Variants in TP73 observed in about 807,000 individuals in gnomAD.
TP73 encodes the protein p53-like transcription factor.
Under a neutral mutation model 62.5 loss-of-function variants are expected in TP73, and 25 were observed. That is an observed-to-expected ratio of 0.40 (90% CI 0.29 to 0.56). TP73 has a LOEUF of 0.56. Ranked by LOEUF, TP73 falls within the 20% of genes least tolerant of loss-of-function variation. TP73 has a pLI of 0.46. For synonymous variants in TP73, 423 were observed against 377.5 expected, an observed-to-expected ratio of 1.12 and a Z score of -1.40; for missense variants, 754 against 913.3, an observed-to-expected ratio of 0.83 and a Z score of 2.25.
At position 3,733,246 on chromosome 1, in the gene TP73, CCAGCCACCGAAGCCGCCTGTGGA is replaced by C; in HGVS notation, c.*173_*195del. 1.2e-6 allele frequency: 1 copy of C among 833,032 alleles called. No individual in the cohort carries two copies. The highest frequency in any genetic ancestry group is 1.8e-5 in the South Asian group (1 of 54,776). 51.6% of individuals were successfully genotyped at this position (833,032 alleles called of 1,614,324 possible). On this transcript the variant is annotated 3_prime_UTR_variant, in exon 14 of 14. Transcript: ENST00000378295. ...GCACCTCACAGGCCCCAGGAAAGGC[CCAGCCACCGAAGCCGCCTGTGGA>C]CAGCCTGAGTCACCTGCAGAACCTT...
chr1:3,712,387 G>T (rs1640226322), intron 4 of TP73: 1 of 152,242 alleles, frequency 6.6e-6, no homozygotes, highest in Non-Finnish European at 1.5e-5. Context: ...AGCCGGGGTT[G>T]GCTCTTCTCT....
At chr1:3,726,160 TTGGA>T (rs1384762393) in intron 6 of TP73, among the ~76,000 whole-genome samples, 1 of 82,308 alleles carries the variant, frequency 1.2e-5, no homozygotes, top group Non-Finnish European at 2.4e-5. Flanking sequence ...GGATGGATGG[TTGGA>T]TGGATGGATA....
intron 3 of TP73, among the ~76,000 whole-genome samples, chr1:3,707,307 G>A (rs890280991): frequency 2.6e-5 from 4 of 152,198 alleles, no homozygotes; most frequent in African/African-American, 7.2e-5. Context: ...CCTCATCAAC[G>A]GCTGGGTGGA....
intron 3 of TP73, among the ~76,000 whole-genome samples, chr1:3,694,857 G>C (rs12738417): frequency 0.055 from 1,019 of 18,694 alleles, 23 homozygotes; most frequent in Non-Finnish European, 0.13. Flanking sequence ...TGCAATCCCA[G>C]CCATGCAGCC....
In TP73 at chr1:3,666,843, G is replaced by T. The variant is rs954005408; in HGVS notation, c.-34+14202G>T. Among the ~76,000 whole-genome samples the T allele has an allele frequency of 2.0e-5, 3 of 152,198 alleles. No individual in the cohort carries two copies. Among genetic ancestry groups the T allele is most frequent in the Admixed American group, 1.3e-4 (2 of 15,270 alleles). On this transcript the variant is annotated intron_variant, in intron 1 of 13. Coordinates refer to ENST00000378295, the MANE Select transcript of TP73 (RefSeq NM_005427.4). This position sits in a 1 kb window ranked among gnomAD's most constrained non-coding sequence, Gnocchi z 6.4. ...ACCCCCAAACAGAGGGCTCAGAAAAGATGTTTTTCAATGAGGGACATTTAT... is the reference window on the plus strand; with the variant it reads ...ACCCCCAAACAGAGGGCTCAGAAAATATGTTTTTCAATGAGGGACATTTAT...
chr1:3,659,190 A>AG (rs1644935616), intron 1 of TP73: 1 of 145,190 alleles, frequency 6.9e-6, no homozygotes, highest in South Asian at 2.2e-4. Flanking sequence ...AAAAAAAAAA[A>AG]GCTAATCATT....
Position 3,683,171 on chromosome 1 carries a change from A to G in TP73, c.177A>G (p.Thr59=). Residue 59 remains threonine (T), a synonymous_variant, in exon 3 of 14, where the codon ACA becomes ACG. Transcript: ENST00000378295. The stretch of plus-strand genomic sequence containing the variant: ...TCTTCCACCTGGAGGGCATGACTAC[A>G]TCTGTCATGGTGAGTGGGGGGGCTG... The part of the protein sequence containing the change: ...MDVFHLEGMT[T]SVMAQFNLLS... 6.2e-7 allele frequency: 1 copy of G among 1,607,276 alleles called. No homozygotes were observed. Among genetic ancestry groups the G allele is most frequent in the Non-Finnish European group, 8.5e-7 (1 of 1,176,718 alleles).
intron 6 of TP73, among the ~76,000 whole-genome samples, chr1:3,725,010 C>T (rs976904856): frequency 1.2e-4 from 18 of 150,958 alleles, no homozygotes; most frequent in Non-Finnish European, 2.7e-4. Context: ...CAGAGAGAGA[C>T]TCCGTCTCAA....
intron 6 of TP73, among the ~76,000 whole-genome samples, chr1:3,725,784 A>T: frequency 1.7e-5 from 1 of 58,580 alleles, no homozygotes; most frequent in Non-Finnish European, 3.2e-5. Context: ...GGATGGATGG[A>T]TGGATAGGAT....
At position 3,716,150 on chromosome 1, in the gene TP73, G is replaced by A. The variant is rs142849633; in HGVS notation, c.430-5871G>A. On this transcript the variant is annotated intron_variant, in intron 4 of 13. Coordinates refer to ENST00000378295, the MANE Select transcript of TP73 (RefSeq NM_005427.4). The stretch of plus-strand genomic sequence containing the variant: ...GCCTCTGGGGCTCTAGCAGGCCTCC[G>A]TCAGGGCTGAGGATCGCTTGGCATC... 1.9e-3 allele frequency among the ~76,000 whole-genome samples: 291 copies of A among 152,298 alleles called. 2 individuals are homozygous for A. The highest frequency in any genetic ancestry group is 6.5e-3 in the African/African-American group (272 of 41,566).
intron 13 of TP73, 53 bp from the exon 14 acceptor site, chr1:3,732,694 C>G (rs149206128): frequency 6.0e-6 from 9 of 1,493,570 alleles, no homozygotes; most frequent in South Asian, 1.3e-5. Flanking sequence ...GGCGACCCCC[C>G]CTGCTCTCCC....
At chr1:3,713,269 C>T (rs576019443) in intron 4 of TP73, among the ~76,000 whole-genome samples, 2 of 152,312 alleles carry the variant, frequency 1.3e-5, no homozygotes, top group East Asian at 1.9e-4. Flanking sequence ...GCCTCATGGG[C>T]GAGAAGCCAG....
rs974754822 is a variant in TP73, at chr1:3,663,542, C to A, written c.-34+10901C>A. Among the ~76,000 whole-genome samples the A allele has an allele frequency of 2.0e-5, 3 of 152,044 alleles. No individual in the cohort carries two copies. Among genetic ancestry groups the A allele is most frequent in the African/African-American group, 7.2e-5 (3 of 41,416 alleles). The stretch of plus-strand genomic sequence containing the variant: ...TATACTGGCTCACACGGTGAAACCC[C>A]ATCTCTACTAAAAAATACAAAAAAT... On this transcript the variant is annotated intron_variant, in intron 1 of 13. Coordinates refer to ENST00000378295, the MANE Select transcript of TP73 (RefSeq NM_005427.4). The surrounding 1 kb of genome is among the most constrained non-coding windows in gnomAD (Gnocchi z 4.7).
rs199602778 is a variant in TP73 at position 3,683,187 on chromosome 1, G to C, written c.186+7G>C. 19 of 1,377,838 alleles carry C rather than the reference G, an allele frequency of 1.4e-5. No homozygotes were observed. Among genetic ancestry groups the C allele is most frequent in the Non-Finnish European group, 1.5e-5 (16 of 1,055,764 alleles). 85.4% of individuals were successfully genotyped at this position (1,377,838 alleles called of 1,614,324 possible). ...CATGACTACATCTGTCATGGTGAGT[G>C]GGGGGGCTGCCCTCTGCAAGAGGAC... On this transcript the variant is annotated splice_region_variant and intron_variant, in intron 3 of 13. Coordinates refer to ENST00000378295, the MANE Select transcript of TP73 (RefSeq NM_005427.4).
rs770506799 is a variant in TP73 at position 3,731,552 on chromosome 1, T to G, written c.1574T>G (p.Ile525Ser). Residue 525 changes from isoleucine to serine, a missense_variant, in exon 13 of 14, where the codon ATT becomes AGT. This residue lies in a region of TP73 where 458 missense variants were observed against 528.7 expected (regional missense o/e 0.87). Transcript: ENST00000378295. Reference protein sequence around the residue: ...QSIYHLQNLTIEDLGALKIPE... With the variant: ...QSIYHLQNLTSEDLGALKIPE... ...ATTTACCACCTGCAGAACCTGACCATTGAGGTAACGCCCGGGTGGACCCCG... is the reference window on the plus strand; with the variant it reads ...ATTTACCACCTGCAGAACCTGACCAGTGAGGTAACGCCCGGGTGGACCCCG... 6.2e-7 allele frequency: 1 copy of G among 1,613,644 alleles called. No homozygotes were observed. The highest frequency in any genetic ancestry group is 8.5e-7 in the Non-Finnish European group (1 of 1,179,964).
At position 3,666,594 on chromosome 1, in the gene TP73, G is replaced by A. The variant is rs1645119187; in HGVS notation, c.-34+13953G>A. Among the ~76,000 whole-genome samples the A allele has an allele frequency of 6.6e-6, 1 of 152,046 alleles. No homozygotes were observed. The highest frequency in any genetic ancestry group is 1.5e-5 in the Non-Finnish European group (1 of 68,026). ...GGGGCTTTTAATGGTCCCTCTGCTG[G>A]CTCCCTCCCCACCACCTCCTGCCCA... On this transcript the variant is annotated intron_variant, in intron 1 of 13. Coordinates refer to ENST00000378295, the MANE Select transcript of TP73 (RefSeq NM_005427.4). This position sits in a 1 kb window ranked among gnomAD's most constrained non-coding sequence, Gnocchi z 6.4.
chr1:3,695,571 C>G (rs899756609), intron 3 of TP73, among the ~76,000 whole-genome samples: 3 of 152,252 alleles, frequency 2.0e-5, no homozygotes, highest in Non-Finnish European at 4.4e-5. Context: ...TGGACACCCC[C>G]ACTCCCGTGC....
At chr1:3,719,181 C>T (rs940405338) in intron 4 of TP73, among the ~76,000 whole-genome samples, 4 of 152,128 alleles carry the variant, frequency 2.6e-5, no homozygotes, top group Admixed American at 6.5e-5. Context: ...CCCTAGGGAG[C>T]GGCTAGGATG....
intron 4 of TP73, among the ~76,000 whole-genome samples, chr1:3,716,132 G>C (rs1032537463): frequency 1.3e-5 from 2 of 152,300 alleles, no homozygotes; most frequent in East Asian, 1.9e-4. Flanking sequence ...ACAGCCTCTG[G>C]GGCTCTAGCA....
Sources: allele counts gnomAD v4.1 joint callset (sites outside exome capture counted in the v4.1 genomes callset), GRCh38; gene constraint gnomAD v4.1.1; regional missense constraint gnomAD v4.1.1; non-coding constraint Gnocchi (gnomAD v3.1); transcripts MANE v1.5; gene names NCBI Gene and HGNC (gene_info 2026-07-23, HGNC 2026-07-21).